The following TENM2 variants were observed in gnomAD, a reference collection of about 807,000 sequenced individuals.
TENM2 encodes teneurin transmembrane protein 2, also known as teneurin-2.
TENM2 carries 52 observed loss-of-function variants against 245.2 expected under a neutral mutation model. The observed-to-expected ratio is 0.21, with a 90% CI of 0.17 to 0.27. TENM2 has a LOEUF of 0.27. TENM2 is among the 10% of genes least tolerant of loss of function. TENM2 has a pLI of 1.00. For synonymous variants in TENM2, 1,363 were observed against 1,438.9 expected (o/e 0.95, Z 1.19); for missense variants, 3,046 against 3,666.8 (o/e 0.83, Z 4.37).
chr5:167,120,232 A>G, the TENM2 span, among the ~76,000 whole-genome samples: 2 of 152,168 alleles, frequency 1.3e-5, no homozygotes, highest in South Asian at 4.1e-4. Context: ...GGGGAGTGAT[A>G]TGATTGGAAA....
At chr5:167,171,846 G>C in the TENM2 span, among the ~76,000 whole-genome samples, 2 of 152,140 alleles carry the variant, frequency 1.3e-5, no homozygotes, top group Admixed American at 6.5e-5. Context: ...AGCTATCTCA[G>C]GTTAGCTTCC....
At chr5:167,353,198 A>T (rs1208681338) in intron 1 of TENM2, among the ~76,000 whole-genome samples, 1 of 152,192 alleles carries the variant, frequency 6.6e-6, no homozygotes, top group Non-Finnish European at 1.5e-5. Flanking sequence ...AAATAAATAC[A>T]TAAATAAACT....
chr5:167,083,114 T>C, the TENM2 span, among the ~76,000 whole-genome samples: 1 of 152,126 alleles, frequency 6.6e-6, no homozygotes, highest in African/African-American at 2.4e-5. Flanking sequence ...AAAACTCTCT[T>C]TTTTTCTCCT....
the TENM2 span, among the ~76,000 whole-genome samples, chr5:166,987,921 T>C: frequency 3.3e-5 from 5 of 152,258 alleles, no homozygotes; most frequent in Admixed American, 2.0e-4. Flanking sequence ...TATTTCTCTG[T>C]TGAACTTGAA....
chr5:167,060,605 C>T, the TENM2 span, among the ~76,000 whole-genome samples: 1 of 144,956 alleles, frequency 6.9e-6, no homozygotes, highest in Non-Finnish European at 1.5e-5. Context: ...GAGCCAAGAT[C>T]ATTCCACTGC....
At position 167,445,311 on chromosome 5, in the gene TENM2, T is replaced by TTATATATATA. The variant is rs755614167; in HGVS notation, c.502+69855_502+69864dup. 3.3e-3 allele frequency among the ~76,000 whole-genome samples: 229 copies of TTATATATATA among 69,936 alleles called. 1 individual carries two copies. The highest frequency in any genetic ancestry group is 4.3e-3 in the African/African-American group (51 of 11,936). 45.9% of individuals were successfully genotyped at this position (69,936 alleles called of 152,430 possible). A position where few individuals can be genotyped will look rare whatever the true frequency, so the allele number is the denominator to read the frequency against. ...GTCAGGCTTATTATAAACCATATGA[T>TTATATATATA]TATATATATATATATATATATATAT... On this transcript the variant is annotated intron_variant, in intron 2 of 28. Coordinates refer to ENST00000518659, the Ensembl canonical transcript of TENM2.
chr5:167,308,751 C>A (rs559257472), intron 1 of TENM2, among the ~76,000 whole-genome samples: 1 of 152,168 alleles, frequency 6.6e-6, no homozygotes, highest in East Asian at 1.9e-4. Context: ...GGGCTCTGCT[C>A]GTGGTGTTCT....
At chr5:167,165,494 G>A in the TENM2 span, 1 of 152,144 alleles carries the variant, frequency 6.6e-6, no homozygotes, top group Non-Finnish European at 1.5e-5. Context: ...GTCTGGTGGG[G>A]TGACCAGAAA....
chr5:167,661,951 T>TG (rs1755235108), intron 2 of TENM2, among the ~76,000 whole-genome samples: 3 of 152,328 alleles, frequency 2.0e-5, no homozygotes, highest in African/African-American at 7.2e-5. Flanking sequence ...TGGGCTGCCC[T>TG]GGTCTTATGC....
chr5:168,102,008 T>C (rs1014411939), intron 9 of TENM2, among the ~76,000 whole-genome samples: 3 of 152,190 alleles, frequency 2.0e-5, no homozygotes, highest in Admixed American at 2.0e-4. Flanking sequence ...TTACTTAACA[T>C]GTTTCTTCAA....
chr5:167,381,986 T>A (rs559893084), intron 2 of TENM2, among the ~76,000 whole-genome samples: 42 of 152,218 alleles, frequency 2.8e-4, no homozygotes, highest in African/African-American at 9.9e-4. Context: ...ATTGTATATG[T>A]GGGGGGTGAG....
intron 2 of TENM2, among the ~76,000 whole-genome samples, chr5:167,469,646 C>T (rs1766888275): frequency 6.6e-6 from 1 of 152,140 alleles, no homozygotes; most frequent in South Asian, 2.1e-4. Context: ...AGTTACTTTT[C>T]TGATTGCAAT....
At chr5:167,337,687 A>G (rs1243978566) in intron 1 of TENM2, among the ~76,000 whole-genome samples, 2 of 152,184 alleles carry the variant, frequency 1.3e-5, no homozygotes, top group Non-Finnish European at 2.9e-5. Flanking sequence ...CCATTGTGTG[A>G]AAGCTTGACG....
At chr5:167,927,626 T>C (rs1466682201) in intron 3 of TENM2, among the ~76,000 whole-genome samples, 1 of 152,208 alleles carries the variant, frequency 6.6e-6, no homozygotes, top group Non-Finnish European at 1.5e-5. Context: ...GTGGTTTGCA[T>C]TCGAAGAAAG....
At chr5:167,302,129 G>A (rs1285706208) in intron 1 of TENM2, among the ~76,000 whole-genome samples, 1 of 152,080 alleles carries the variant, frequency 6.6e-6, no homozygotes, top group African/African-American at 2.4e-5. Context: ...AGAATGCCTG[G>A]ACATCAGGCA....
chr5:167,356,894 T>C (rs1384091502), intron 1 of TENM2, among the ~76,000 whole-genome samples: 1 of 152,052 alleles, frequency 6.6e-6, no homozygotes, highest in Non-Finnish European at 1.5e-5. Context: ...AAAGCAAATG[T>C]ATTGCTTTTG....
At chr5:167,939,746 C>G (rs899478107) in intron 3 of TENM2, among the ~76,000 whole-genome samples, 1 of 152,178 alleles carries the variant, frequency 6.6e-6, no homozygotes, top group Admixed American at 6.5e-5. Context: ...TTTGCAAACT[C>G]TTAGCAAATC....
At chr5:167,515,674 T>C (rs1325956752) in intron 2 of TENM2, among the ~76,000 whole-genome samples, 2 of 128,638 alleles carry the variant, frequency 1.6e-5, no homozygotes, top group South Asian at 2.2e-4. Context: ...TATATGTGTA[T>C]ATATATTTTG....
At chr5:167,284,979 G>C in exon 1 of TENM2, 2 of 1,551,974 alleles carry the variant, frequency 1.3e-6, no homozygotes. Context: ...GACTCTGAAG[G>C]CCTATGACCA....
Sources: gnomAD v4.1 joint callset for allele counts (sites outside exome capture counted in the v4.1 genomes callset) on GRCh38, gnomAD v4.1.1 for gene constraint, MANE v1.5 for transcripts, NCBI Gene and HGNC (gene_info 2026-07-23, HGNC 2026-07-21) for gene names.